SLC25A26: variants seen among roughly 807,000 people sequenced by gnomAD.
SLC25A26 encodes solute carrier family 25 member 26.
SLC25A26 carries 36 observed loss-of-function variants against 37.8 expected under a neutral mutation model. The observed-to-expected ratio is 0.95, with a 90% CI of 0.73 to 1.26. The LOEUF is 1.26. Ranked by LOEUF, SLC25A26 falls within the 50% of genes most tolerant of loss-of-function variation. The pLI is 0.00. For missense variants in SLC25A26, 390 were observed against 331.1 expected (o/e 1.18, Z -1.38); for synonymous variants, 129 against 122.5 (o/e 1.05, Z -0.35).
At chr3:66,275,455 A>T (rs866716785) in intron 5 of SLC25A26, among the ~76,000 whole-genome samples, 1 of 152,102 alleles carries the variant, frequency 6.6e-6, no homozygotes, top group African/African-American at 2.4e-5. Flanking sequence ...GAATGTATGC[A>T]TCAGGAGGGC....
intron 1 of SLC25A26, among the ~76,000 whole-genome samples, chr3:66,235,313 A>T (rs1250570059): frequency 6.6e-6 from 1 of 152,222 alleles, no homozygotes; most frequent in Non-Finnish European, 1.5e-5. Flanking sequence ...TGAGGTACAG[A>T]GTTAGTTCTT....
chr3:66,326,481 T>C (rs1378551450), intron 5 of SLC25A26, among the ~76,000 whole-genome samples: 1 of 152,164 alleles, frequency 6.6e-6, no homozygotes, highest in Non-Finnish European at 1.5e-5. Context: ...CCCAGAGGCT[T>C]TGCTGGCCTC....
intron 1 of SLC25A26, among the ~76,000 whole-genome samples, chr3:66,225,129 A>G (rs983367924): frequency 1.3e-5 from 2 of 151,570 alleles, no homozygotes; most frequent in African/African-American, 4.9e-5. Context: ...TCACAGCTCC[A>G]CCAGGTGGTG....
intron 3 of SLC25A26, among the ~76,000 whole-genome samples, chr3:66,257,365 AAAG>A (rs2073344579): frequency 6.6e-6 from 1 of 152,198 alleles, no homozygotes; most frequent in Non-Finnish European, 1.5e-5. Flanking sequence ...AATTAAAAAA[AAAG>A]AAAAGACTCT....
At chr3:66,309,278 A>G (rs975292162) in intron 5 of SLC25A26, among the ~76,000 whole-genome samples, 1 of 152,160 alleles carries the variant, frequency 6.6e-6, no homozygotes, top group African/African-American at 2.4e-5. Flanking sequence ...CATTCCTTCT[A>G]GATTTTCTAG....
intron 5 of SLC25A26, among the ~76,000 whole-genome samples, chr3:66,333,185 A>G (rs1285217237): frequency 6.6e-6 from 1 of 152,150 alleles, no homozygotes; most frequent in African/African-American, 2.4e-5. Context: ...AGCTCTTTTA[A>G]TCGGCAGACC....
intron 5 of SLC25A26, among the ~76,000 whole-genome samples, chr3:66,287,011 A>G (rs2074535432): frequency 6.6e-6 from 1 of 152,002 alleles, no homozygotes; most frequent in Non-Finnish European, 1.5e-5. Context: ...AAAGTCTCAA[A>G]GCAGGCTGGG....
intron 5 of SLC25A26, among the ~76,000 whole-genome samples, chr3:66,279,951 T>G (rs1031673706): frequency 6.6e-6 from 1 of 152,194 alleles, no homozygotes; most frequent in Non-Finnish European, 1.5e-5. Flanking sequence ...GACAAACATG[T>G]CATTTACCTG....
chr3:66,244,701 G>A (rs879876011), intron 3 of SLC25A26, among the ~76,000 whole-genome samples: 20 of 152,124 alleles, frequency 1.3e-4, no homozygotes, highest in Admixed American at 3.3e-4. Context: ...GGCCGGGCAC[G>A]GTGGCTCACG....
At chr3:66,165,253 G>A (rs1299648726) in intron 1 of SLC25A26, among the ~76,000 whole-genome samples, 1 of 152,166 alleles carries the variant, frequency 6.6e-6, no homozygotes, top group African/African-American at 2.4e-5. Flanking sequence ...CTAGCCCTAG[G>A]CAAGCTTTCA....
intron 5 of SLC25A26, among the ~76,000 whole-genome samples, chr3:66,283,095 C>T (rs978858414): frequency 2.0e-5 from 3 of 152,030 alleles, no homozygotes; most frequent in Non-Finnish European, 2.9e-5. Flanking sequence ...TATGGTTTAT[C>T]CTTTGATCTA....
At chr3:66,330,761 G>C (rs867907937) in intron 5 of SLC25A26, among the ~76,000 whole-genome samples, 2 of 151,828 alleles carry the variant, frequency 1.3e-5, no homozygotes, top group South Asian at 4.1e-4. Context: ...GAATGATTCT[G>C]TCTATAAATT....
intron 3 of SLC25A26, among the ~76,000 whole-genome samples, chr3:66,257,463 C>G (rs962241558): frequency 9.2e-5 from 14 of 152,170 alleles, no homozygotes; most frequent in Admixed American, 2.0e-4. Flanking sequence ...GACCACTGCT[C>G]ATTCCTCCCT....
At chr3:66,274,694 C>T (rs2074073824) in intron 5 of SLC25A26, among the ~76,000 whole-genome samples, 1 of 152,306 alleles carries the variant, frequency 6.6e-6, no homozygotes, top group South Asian at 2.1e-4. Context: ...ATCAAAACCA[C>T]AATGAGATAC....
chr3:66,332,943 C>CT (rs907756193), intron 5 of SLC25A26, among the ~76,000 whole-genome samples: 2 of 152,064 alleles, frequency 1.3e-5, no homozygotes, highest in South Asian at 4.2e-4. Context: ...CATACATACA[C>CT]TTTTTTTTCA....
chr3:66,311,857 T>G (rs2075387665), intron 5 of SLC25A26, among the ~76,000 whole-genome samples: 1 of 152,164 alleles, frequency 6.6e-6, no homozygotes, highest in Non-Finnish European at 1.5e-5. Flanking sequence ...TGCTCCTTCC[T>G]CTGAAAGCTT....
At chr3:66,334,334 A>T (rs2076046379) in intron 5 of SLC25A26, among the ~76,000 whole-genome samples, 1 of 152,104 alleles carries the variant, frequency 6.6e-6, no homozygotes, top group Non-Finnish European at 1.5e-5. Flanking sequence ...TTTTGTTTTG[A>T]GACAGAGTCT....
At chr3:66,169,097 C>A (rs528608058) in intron 1 of SLC25A26, among the ~76,000 whole-genome samples, 1 of 152,282 alleles carries the variant, frequency 6.6e-6, no homozygotes, top group South Asian at 2.1e-4. Flanking sequence ...TGCTATCCAT[C>A]CTGGGTGACA....
At chr3:66,287,030 C>G (rs2074536427) in intron 5 of SLC25A26, among the ~76,000 whole-genome samples, 1 of 152,216 alleles carries the variant, frequency 6.6e-6, no homozygotes, top group South Asian at 2.1e-4. Context: ...GGTGCGGTGG[C>G]TCACGCCTGC....
Sources: allele counts gnomAD v4.1 joint callset (sites outside exome capture counted in the v4.1 genomes callset), GRCh38; gene constraint gnomAD v4.1.1; transcripts MANE v1.5; gene names NCBI Gene and HGNC (gene_info 2026-07-23, HGNC 2026-07-21).